The following UBE2QL1 variants were observed in gnomAD, a reference collection of about 807,000 sequenced individuals.
The protein encoded by UBE2QL1 is ubiquitin conjugating enzyme E2 QL1.
In UBE2QL1, 5 loss-of-function variants were observed where a neutral mutation model predicts 12.6. That is an observed-to-expected ratio of 0.40 (90% CI 0.21 to 0.83). The LOEUF (loss-of-function observed/expected upper bound fraction) is 0.83. Ranked by LOEUF, UBE2QL1 falls within the 40% of genes least tolerant of loss-of-function variation. UBE2QL1 has a pLI of 0.37. For synonymous variants in UBE2QL1, 96 were observed against 94.5 expected, an observed-to-expected ratio of 1.02 and a Z score of -0.10; for missense variants, 99 against 222.6, an observed-to-expected ratio of 0.44 and a Z score of 3.53.
At chr5:6,464,796 G>T (rs1409699152) in intron 1 of UBE2QL1, among the ~76,000 whole-genome samples, 2 of 152,190 alleles carry the variant, frequency 1.3e-5, no homozygotes, top group Non-Finnish European at 2.9e-5. Context: ...TTAGAGTGCA[G>T]CTAATTTCTG....
intron 1 of UBE2QL1, among the ~76,000 whole-genome samples, chr5:6,469,913 C>T (rs184391780): frequency 1.6e-3 from 250 of 152,218 alleles, no homozygotes; most frequent in African/African-American, 5.7e-3. Context: ...AATGTTACTC[C>T]GTTGGAATCA....
At chr5:6,489,468 G>T (rs1220651566) in intron 1 of UBE2QL1, among the ~76,000 whole-genome samples, 1 of 151,998 alleles carries the variant, frequency 6.6e-6, no homozygotes, top group Non-Finnish European at 1.5e-5. Flanking sequence ...AAAGGAAAAG[G>T]TTCTGCTGCC....
At chr5:6,452,715 C>T (rs933355239) in intron 1 of UBE2QL1, among the ~76,000 whole-genome samples, 4 of 152,202 alleles carry the variant, frequency 2.6e-5, no homozygotes, top group Non-Finnish European at 5.9e-5. Flanking sequence ...CATTTTCGGA[C>T]TCTGTAAACC....
At chr5:6,484,146 C>T (rs780601520) in intron 1 of UBE2QL1, among the ~76,000 whole-genome samples, 5 of 152,204 alleles carry the variant, frequency 3.3e-5, no homozygotes, top group African/African-American at 1.2e-4. Flanking sequence ...GGTGTCTGAA[C>T]GATGAAAGGA....
intron 1 of UBE2QL1, among the ~76,000 whole-genome samples, chr5:6,458,870 A>G (rs1579288358): frequency 2.0e-5 from 3 of 152,338 alleles, no homozygotes; most frequent in Admixed American, 2.0e-4. Context: ...AATGAATCAT[A>G]ATGTATTTAA....
intron 1 of UBE2QL1, among the ~76,000 whole-genome samples, chr5:6,454,635 C>G (rs368939339): frequency 6.6e-6 from 1 of 152,108 alleles, no homozygotes; most frequent in African/African-American, 2.4e-5. Context: ...TGAAGCCACA[C>G]GGAGGGAGGC....
rs113893852 is a variant in UBE2QL1, at chr5:6,492,951, A to G, written c.*1602A>G. ...TTGGTTCAAGGTTTTCAGAGATCCA[A>G]GAGGCCTTGCCTCAAAGAACAAGGA... On this transcript the variant is annotated 3_prime_UTR_variant, in exon 2 of 2. Coordinates refer to ENST00000399816, the MANE Select transcript of UBE2QL1 (RefSeq NM_001145161.3). 1.0e-4 allele frequency: 16 copies of G among 152,404 alleles called. No homozygotes were observed. Among genetic ancestry groups the G allele is most frequent in the African/African-American group, 3.4e-4 (14 of 41,600 alleles). The allele number at this position is 152,404 out of a possible 1,614,324, so 9.4% of individuals were successfully genotyped here.
chr5:6,457,874 A>G (rs749006162), intron 1 of UBE2QL1, among the ~76,000 whole-genome samples: 2 of 152,236 alleles, frequency 1.3e-5, no homozygotes, highest in African/African-American at 4.8e-5. Context: ...TTTTCCTACA[A>G]TACTCAGAAT....
At chr5:6,453,265 C>A (rs535077028) in intron 1 of UBE2QL1, among the ~76,000 whole-genome samples, 19 of 152,308 alleles carry the variant, frequency 1.2e-4, no homozygotes, top group Non-Finnish European at 2.5e-4. Flanking sequence ...CATAACAGCT[C>A]ATGAGTGGCA....
rs1734277388 is a variant in UBE2QL1 at position 6,478,117 on chromosome 5, CTATT to C, written c.355-13099_355-13096del. Among the ~76,000 whole-genome samples, 1 of 152,186 alleles carries C rather than the reference CTATT, an allele frequency of 6.6e-6. No individual in the cohort carries two copies. The highest frequency in any genetic ancestry group is 6.5e-5 in the Admixed American group (1 of 15,282). On this transcript the variant is annotated intron_variant, in intron 1 of 1. Transcript: ENST00000399816. The surrounding 1 kb of genome is among the most constrained non-coding windows in gnomAD (Gnocchi z 4.5). ...TGCTGTGCTTTATTGCAAAAACAGA[CTATT>C]TGAGAAAGTAACCTATCTTTTATAG...
chr5:6,490,316 A>G (rs1217181748), intron 1 of UBE2QL1, among the ~76,000 whole-genome samples: 1 of 152,184 alleles, frequency 6.6e-6, no homozygotes, highest in Non-Finnish European at 1.5e-5. Context: ...GATATTCCAC[A>G]TTTGCCAGGG....
rs1230377633 is a variant in UBE2QL1, at chr5:6,481,263, C to T, written c.355-9955C>T. On this transcript the variant is annotated intron_variant, in intron 1 of 1. Coordinates refer to ENST00000399816, the MANE Select transcript of UBE2QL1 (RefSeq NM_001145161.3). This position sits in a 1 kb window ranked among gnomAD's most constrained non-coding sequence, Gnocchi z 4.5. ...TCCTCCCAGGACCCCACAGCCTGCT[C>T]CTAAGACAGCGTCTCTCTCTGCAGG... Among the ~76,000 whole-genome samples, 1 of 152,234 alleles carries T rather than the reference C, an allele frequency of 6.6e-6. No individual in the cohort carries two copies. The highest frequency in any genetic ancestry group is 2.4e-5 in the African/African-American group (1 of 41,458).
chr5:6,491,092 T>C, intron 1 of UBE2QL1, 126 bp from the exon 2 acceptor site: 1 of 1,073,978 alleles, frequency 9.3e-7, no homozygotes, highest in Non-Finnish European at 1.3e-6. Flanking sequence ...ACCCTGCTGG[T>C]GGCCAGTGCA....
At chr5:6,464,769 T>C (rs1375743565) in intron 1 of UBE2QL1, among the ~76,000 whole-genome samples, 1 of 152,154 alleles carries the variant, frequency 6.6e-6, no homozygotes, top group African/African-American at 2.4e-5. Flanking sequence ...GTTTCAAAAA[T>C]AGAGATTCAT....
In UBE2QL1 at chr5:6,493,610, T is replaced by A. The variant is rs553566636; in HGVS notation, c.*2261T>A. 2 of 152,356 alleles carry A rather than the reference T, an allele frequency of 1.3e-5. No homozygotes were observed. Among genetic ancestry groups the A allele is most frequent in the East Asian group, 1.9e-4 (1 of 5,190 alleles). The allele number at this position is 152,356 out of a possible 1,614,324, so 9.4% of individuals were successfully genotyped here. A position where few individuals can be genotyped will look rare whatever the true frequency, so the allele number is the denominator to read the frequency against. On this transcript the variant is annotated 3_prime_UTR_variant, in exon 2 of 2. Transcript: ENST00000399816. ...AGAGTTTGATTTTTCTTGCATGGCA[T>A]TTCCATTAGGTTTGTTAGAAACTTA...
intron 1 of UBE2QL1, among the ~76,000 whole-genome samples, chr5:6,480,273 C>G (rs1238405646): frequency 1.3e-5 from 2 of 152,202 alleles, no homozygotes; most frequent in African/African-American, 4.8e-5. Context: ...CCTTATTGAT[C>G]TGTGTGTCTC....
At position 6,479,973 on chromosome 5, in the gene UBE2QL1, G is replaced by T. The variant is rs1383815209; in HGVS notation, c.355-11245G>T. Among the ~76,000 whole-genome samples, 1 of 152,224 alleles carries T rather than the reference G, an allele frequency of 6.6e-6. No individual in the cohort carries two copies. The highest frequency in any genetic ancestry group is 1.5e-5 in the Non-Finnish European group (1 of 68,042). On this transcript the variant is annotated intron_variant, in intron 1 of 1. Coordinates refer to ENST00000399816, the MANE Select transcript of UBE2QL1 (RefSeq NM_001145161.3). This position sits in a 1 kb window ranked among gnomAD's most constrained non-coding sequence, Gnocchi z 4.2. ...CATGTGGCAAATGACAGGATGGCTGGCCAGGAGCTCCCTGTTGAGATGACA... is the reference window on the plus strand; with the variant it reads ...CATGTGGCAAATGACAGGATGGCTGTCCAGGAGCTCCCTGTTGAGATGACA...
chr5:6,491,222 G>A lies in UBE2QL1; in HGVS notation c.359G>A (p.Arg120Gln). ...FAASLVKGQG[R>Q]ICRKAGKSKK... ...TTTTCTTCTCATCTCACGCAGGGAC[G>A]GATCTGTAGAAAAGCTGGCAAATCA... Residue 120 changes from arginine (R) to glutamine (Q), a missense_variant, in exon 2 of 2, where the codon CGG becomes CAG. By Grantham distance (43) the Arg-to-Gln change is conservative (BLOSUM62 1). Coordinates refer to ENST00000399816, the MANE Select transcript of UBE2QL1 (RefSeq NM_001145161.3). 3 of 1,548,542 alleles carry A rather than the reference G, an allele frequency of 1.9e-6. No homozygotes were observed. The highest frequency in any genetic ancestry group is 2.6e-6 in the Non-Finnish European group (3 of 1,145,722).
At chr5:6,490,976 G>C (rs540893736) in intron 1 of UBE2QL1, among the ~76,000 whole-genome samples, 147 of 151,884 alleles carry the variant, frequency 9.7e-4, no homozygotes, top group South Asian at 5.4e-3. Context: ...GTGGGGGTTT[G>C]TAAAGACAGC....
Sources: allele counts gnomAD v4.1 joint callset (sites outside exome capture counted in the v4.1 genomes callset), GRCh38; gene constraint gnomAD v4.1.1; non-coding constraint Gnocchi (gnomAD v3.1); transcripts MANE v1.5; gene names NCBI Gene and HGNC (gene_info 2026-07-23, HGNC 2026-07-21).